Variants in DCLK1 observed in about 807,000 individuals in gnomAD.
DCLK1 encodes the protein doublecortin like kinase 1, also known as serine/threonine-protein kinase DCLK1.
A neutral mutation model predicts 86.2 loss-of-function variants in DCLK1; 16 were observed. That is an observed-to-expected ratio of 0.19 (90% CI 0.13 to 0.28). DCLK1 has a LOEUF of 0.28. Among genes scored for constraint, DCLK1 ranks in the 10% least tolerant of loss-of-function variants. DCLK1 has a pLI of 1.00. For missense variants in DCLK1, 590 were observed against 940.2 expected (o/e 0.63, Z 4.87); for synonymous variants, 369 against 370.5 (o/e 1.00, Z 0.05).
chr13:35,776,077 G>A (rs761879782), intron 16 of DCLK1, among the ~76,000 whole-genome samples: 87 of 152,292 alleles, frequency 5.7e-4, no homozygotes, highest in Non-Finnish European at 1.0e-3. Flanking sequence ...TCACTAGATT[G>A]TTAATACAAT....
At chr13:35,930,766 C>T (rs933733511) in intron 4 of DCLK1, among the ~76,000 whole-genome samples, 1 of 152,170 alleles carries the variant, frequency 6.6e-6, no homozygotes, top group African/African-American at 2.4e-5. Flanking sequence ...TTAAGCATAA[C>T]CCATCAGAAA....
intron 15 of DCLK1, chr13:35,805,246 C>T (rs2087000844): frequency 6.4e-6 from 1 of 157,284 alleles, no homozygotes; most frequent in Admixed American, 6.2e-5. Context: ...AGTATAAGAT[C>T]CTGTAACTGT....
chr13:35,930,039 A>G (rs1876339336), intron 4 of DCLK1, among the ~76,000 whole-genome samples: 1 of 152,170 alleles, frequency 6.6e-6, no homozygotes, highest in Non-Finnish European at 1.5e-5. Flanking sequence ...ATACACATGT[A>G]TCAAATTATT....
chr13:35,799,433 T>C (rs1190857395), intron 15 of DCLK1, among the ~76,000 whole-genome samples: 1 of 152,134 alleles, frequency 6.6e-6, no homozygotes, highest in African/African-American at 2.4e-5. Flanking sequence ...ATATTTCTAG[T>C]GGAGACAAGG....
chr13:35,805,140 C>T (rs557594706), intron 15 of DCLK1, among the ~76,000 whole-genome samples: 2 of 152,080 alleles, frequency 1.3e-5, no homozygotes, highest in Non-Finnish European at 1.5e-5. Flanking sequence ...AAGCAGGTTG[C>T]GGGGTAGAAG....
chr13:35,858,599 T>C (rs1243719994), intron 5 of DCLK1, among the ~76,000 whole-genome samples: 1 of 152,150 alleles, frequency 6.6e-6, no homozygotes, highest in Non-Finnish European at 1.5e-5. Context: ...TGAGGATGCC[T>C]AGGCTTCTCT....
chr13:36,042,370 G>A (rs1882729246), intron 3 of DCLK1, among the ~76,000 whole-genome samples: 1 of 152,162 alleles, frequency 6.6e-6, no homozygotes, highest in African/African-American at 2.4e-5. Flanking sequence ...TCACTAAATT[G>A]GTTGAGAAAC....
At position 35,836,151 on chromosome 13, in the gene DCLK1, T is replaced by C. The variant is rs755422530; in HGVS notation, c.1121-10A>G. On this transcript the variant is annotated splice_polypyrimidine_tract_variant and intron_variant, in intron 7 of 16. Transcript: ENST00000360631. ...CCTTCCTCCGACACTTCTGAAAGAA[T>C]CATTAATACTTTTTTATTGGTTGAA... 3.1e-6 allele frequency: 5 copies of C among 1,596,120 alleles called. No individual in the cohort carries two copies. Among genetic ancestry groups the C allele is most frequent in the Non-Finnish European group, 4.3e-6 (5 of 1,170,144 alleles).
At chr13:36,043,903 A>C (rs893338597) in intron 3 of DCLK1, among the ~76,000 whole-genome samples, 5 of 152,204 alleles carry the variant, frequency 3.3e-5, no homozygotes, top group African/African-American at 1.2e-4. Flanking sequence ...TACATTCCCC[A>C]AAAACTAGAA....
chr13:36,082,775 C>T (rs1276518629), intron 3 of DCLK1, among the ~76,000 whole-genome samples: 1 of 152,104 alleles, frequency 6.6e-6, no homozygotes. Context: ...GACTCAAATC[C>T]ACCCACTGGA....
At position 35,870,749 on chromosome 13, in the gene DCLK1, G is replaced by A. The variant is rs184397503; in HGVS notation, c.940+475C>T. Among the ~76,000 whole-genome samples the A allele has an allele frequency of 2.3e-3, 349 of 152,244 alleles. 1 individual carries two copies. Among genetic ancestry groups the A allele is most frequent in the African/African-American group, 8.1e-3 (337 of 41,542 alleles). Reference sequence around the variant, plus strand: ...CCACTGAGAGACAGGCTCAGGCCAAGGTCACTGCAGCAATCCCTGCTCCAC... The same window carrying A: ...CCACTGAGAGACAGGCTCAGGCCAAAGTCACTGCAGCAATCCCTGCTCCAC... On this transcript the variant is annotated intron_variant, in intron 5 of 16. Coordinates refer to ENST00000360631, the MANE Select transcript of DCLK1 (RefSeq NM_001330071.2).
At chr13:35,847,008 T>C (rs978739572) in intron 6 of DCLK1, 1 of 985,260 alleles carries the variant, frequency 1.0e-6, no homozygotes. Flanking sequence ...TACTTGACAA[T>C]CTGCAACTGT....
At chr13:36,088,803 C>A (rs1884710333) in intron 3 of DCLK1, among the ~76,000 whole-genome samples, 1 of 152,198 alleles carries the variant, frequency 6.6e-6, no homozygotes, top group African/African-American at 2.4e-5. Context: ...GTCCCCATGA[C>A]AACCACATTT....
chr13:35,909,852 A>C (rs1539543), intron 4 of DCLK1, among the ~76,000 whole-genome samples: 26,481 of 151,826 alleles, frequency 0.17, 2,746 homozygotes, highest in East Asian at 0.34. Flanking sequence ...TTAAAAGAAA[A>C]CAAAAATCTC....
At chr13:35,900,059 AAT>A (rs1232775011) in intron 4 of DCLK1, among the ~76,000 whole-genome samples, 2 of 152,190 alleles carry the variant, frequency 1.3e-5, no homozygotes, top group African/African-American at 2.4e-5. Flanking sequence ...ACTGTAGAAG[AAT>A]ATGTTACAGG....
At chr13:35,959,126 A>G (rs1265045135) in intron 3 of DCLK1, among the ~76,000 whole-genome samples, 2 of 152,220 alleles carry the variant, frequency 1.3e-5, no homozygotes, top group African/African-American at 4.8e-5. Context: ...TAAAAATTAT[A>G]TATGGTGATG....
intron 5 of DCLK1, among the ~76,000 whole-genome samples, chr13:35,857,876 ATAAC>A (rs1871160186): frequency 6.6e-6 from 1 of 152,212 alleles, no homozygotes; most frequent in African/African-American, 2.4e-5. Flanking sequence ...AGAGACTTAA[ATAAC>A]TAAGTAAAGC....
chr13:36,081,867 A>G (rs1884432240), intron 3 of DCLK1, among the ~76,000 whole-genome samples: 1 of 152,178 alleles, frequency 6.6e-6, no homozygotes, highest in Admixed American at 6.6e-5. Context: ...TAACATTTCA[A>G]TTGCTATAGT....
intron 16 of DCLK1, among the ~76,000 whole-genome samples, chr13:35,778,221 A>G (rs1279689352): frequency 6.6e-6 from 1 of 152,194 alleles, no homozygotes; most frequent in Non-Finnish European, 1.5e-5. Context: ...CAATTTCTAC[A>G]AGGTCCAATT....
Sources: allele counts gnomAD v4.1 joint callset (sites outside exome capture counted in the v4.1 genomes callset), GRCh38; gene constraint gnomAD v4.1.1; transcripts MANE v1.5; gene names NCBI Gene and HGNC (gene_info 2026-07-23, HGNC 2026-07-21).